Variants in PCDH7 observed in about 807,000 individuals in gnomAD.
PCDH7 encodes protocadherin-7.
Under a neutral mutation model 58.9 loss-of-function variants are expected in PCDH7, and 17 were observed. The ratio of observed to expected loss-of-function variants is 0.29; its 90% CI spans 0.20 to 0.43. The LOEUF (loss-of-function observed/expected upper bound fraction) is 0.43, where lower values mean the gene tolerates loss of function less well. PCDH7 is among the 20% of genes least tolerant of loss of function. The probability of loss-of-function intolerance (pLI) is 1.00; values close to 1 mark genes in which losing one functional copy is unlikely to be tolerated. For missense variants in PCDH7, 1,274 were observed against 1,441.0 expected (o/e 0.88, Z 1.88); for synonymous variants, 664 against 616.4 (o/e 1.08, Z -1.14).
At chr4:30,798,231 G>GT (rs1278962491) in intron 1 of PCDH7, among the ~76,000 whole-genome samples, 1 of 152,134 alleles carries the variant, frequency 6.6e-6, no homozygotes, top group Non-Finnish European at 1.5e-5. Flanking sequence ...GACAGCAGAG[G>GT]TCTTTACAGA....
At chr4:30,927,648 C>T (rs1044282265) in intron 2 of PCDH7, among the ~76,000 whole-genome samples, 2 of 152,016 alleles carry the variant, frequency 1.3e-5, no homozygotes, top group Non-Finnish European at 2.9e-5. Flanking sequence ...TAAACAGATG[C>T]TTGAAGGCAG....
chr4:30,852,845 A>G (rs909077429), intron 1 of PCDH7, among the ~76,000 whole-genome samples: 2 of 151,214 alleles, frequency 1.3e-5, no homozygotes, highest in African/African-American at 4.9e-5. Context: ...AAAAAAAAAA[A>G]AAAAAAAAGA....
chr4:30,836,049 A>G (rs1408898989), intron 1 of PCDH7, among the ~76,000 whole-genome samples: 2 of 152,216 alleles, frequency 1.3e-5, no homozygotes, highest in Admixed American at 1.3e-4. Context: ...GAGATTGAAG[A>G]TGTTAGCAGT....
chr4:31,132,737 CT>C (rs1172282031), intron 3 of PCDH7, among the ~76,000 whole-genome samples: 6 of 152,220 alleles, frequency 3.9e-5, no homozygotes, highest in African/African-American at 1.4e-4. Context: ...CATTATTGTT[CT>C]TATTTGGACT....
intron 1 of PCDH7, among the ~76,000 whole-genome samples, chr4:30,858,015 A>G (rs759268157): frequency 6.6e-6 from 1 of 152,154 alleles, no homozygotes; most frequent in Non-Finnish European, 1.5e-5. Context: ...AACTATACCA[A>G]CCACTTAAAC....
intron 1 of PCDH7, among the ~76,000 whole-genome samples, chr4:30,797,216 G>C (rs1479694271): frequency 6.8e-6 from 1 of 146,822 alleles, no homozygotes; most frequent in East Asian, 2.1e-4. Context: ...GATTACAGGC[G>C]TTAGCCACCA....
rs183937461 is a variant in PCDH7 at position 30,759,234 on chromosome 4, G to A, written c.70+34638G>A. Among the ~76,000 whole-genome samples the A allele has an allele frequency of 3.3e-5, 5 of 152,186 alleles. No individual in the cohort carries two copies. In the East Asian group the frequency reaches 7.7e-4, roughly 24 times the overall value. On this transcript the variant is annotated intron_variant, in intron 1 of 3. Transcript: ENST00000509759. Reference sequence around the variant, plus strand: ...TGGGATTACAGGTGTGAGCCACTGCGCCTGGCCTCTTTGGGGAAGCTTTTT... The same window carrying A: ...TGGGATTACAGGTGTGAGCCACTGCACCTGGCCTCTTTGGGGAAGCTTTTT...
chr4:30,789,338 A>G (rs1014327286), intron 1 of PCDH7, among the ~76,000 whole-genome samples: 1 of 152,154 alleles, frequency 6.6e-6, no homozygotes, highest in African/African-American at 2.4e-5. Flanking sequence ...GCATTTCTGG[A>G]CTTGGATCAG....
At chr4:30,883,407 C>T (rs1009609099) in intron 1 of PCDH7, among the ~76,000 whole-genome samples, 15 of 152,036 alleles carry the variant, frequency 9.9e-5, no homozygotes, top group Admixed American at 6.6e-5. Context: ...ATGTGTAGGT[C>T]CAAGAAATCA....
chr4:31,079,337 T>G (rs1384239691), intron 3 of PCDH7, among the ~76,000 whole-genome samples: 1 of 84,080 alleles, frequency 1.2e-5, no homozygotes, highest in Non-Finnish European at 2.1e-5. Context: ...TATATATATA[T>G]ATATATATAT....
intron 3 of PCDH7, among the ~76,000 whole-genome samples, chr4:31,032,301 T>A (rs975965301): frequency 6.6e-6 from 1 of 152,124 alleles, no homozygotes; most frequent in Non-Finnish European, 1.5e-5. Context: ...ATGTATAAGA[T>A]TATTGCATTT....
At chr4:30,845,850 C>A (rs1015445298) in intron 1 of PCDH7, among the ~76,000 whole-genome samples, 17 of 152,122 alleles carry the variant, frequency 1.1e-4, no homozygotes, top group African/African-American at 4.1e-4. Flanking sequence ...GCAGCTGCCT[C>A]CCAAAGTGTT....
At position 31,127,907 on chromosome 4, in the gene PCDH7, A is replaced by T. The variant is rs199621331; in HGVS notation, c.*8-14566A>T. Among the ~76,000 whole-genome samples, 4 of 151,550 alleles carry T rather than the reference A, an allele frequency of 2.6e-5. No individual in the cohort carries two copies. The East Asian group carries it at 7.7e-4, about 29-fold the overall frequency. On this transcript the variant is annotated intron_variant, in intron 3 of 3. Transcript: ENST00000509759. Reference sequence around the variant, plus strand: ...AATACACCAATTTCCATATAATATGATTAAATTATAGAGGCTTTCAAGCTT... The same window carrying T: ...AATACACCAATTTCCATATAATATGTTTAAATTATAGAGGCTTTCAAGCTT...
intron 3 of PCDH7, among the ~76,000 whole-genome samples, chr4:30,982,345 T>A (rs777093779): frequency 2.6e-4 from 40 of 152,256 alleles, no homozygotes; most frequent in Admixed American, 5.2e-4. Flanking sequence ...TTCACAAGCA[T>A]TTTCAGCCAG....
intron 1 of PCDH7, among the ~76,000 whole-genome samples, chr4:30,840,201 A>C (rs1257840725): frequency 6.6e-6 from 1 of 151,892 alleles, no homozygotes; most frequent in African/African-American, 2.4e-5. Flanking sequence ...CTGTGCCATA[A>C]TCAGGTAGGA....
intron 1 of PCDH7, among the ~76,000 whole-genome samples, chr4:30,915,365 G>A (rs1477798562): frequency 6.6e-6 from 1 of 152,100 alleles, no homozygotes; most frequent in Non-Finnish European, 1.5e-5. Context: ...TAGCCACAGT[G>A]GCCTTCTAAA....
intron 3 of PCDH7, among the ~76,000 whole-genome samples, chr4:31,083,727 G>T (rs1267558544): frequency 6.6e-6 from 1 of 152,184 alleles, no homozygotes; most frequent in Non-Finnish European, 1.5e-5. Flanking sequence ...AAATGATGGG[G>T]TGGAGTGGGA....
intron 3 of PCDH7, among the ~76,000 whole-genome samples, chr4:31,005,625 A>G (rs1411115092): frequency 1.3e-5 from 2 of 152,164 alleles, no homozygotes; most frequent in African/African-American, 2.4e-5. Context: ...GCTTGTTAAC[A>G]TTATTTTGTT....
intron 1 of PCDH7, among the ~76,000 whole-genome samples, chr4:30,916,285 G>A (rs1742463042): frequency 6.6e-6 from 1 of 152,066 alleles, no homozygotes; most frequent in African/African-American, 2.4e-5. Context: ...ATAATCTTCT[G>A]CCTTCAACAT....
Sources: gnomAD v4.1 joint callset for allele counts (sites outside exome capture counted in the v4.1 genomes callset) on GRCh38, gnomAD v4.1.1 for gene constraint, MANE v1.5 for transcripts, NCBI Gene and HGNC (gene_info 2026-07-23, HGNC 2026-07-21) for gene names.